Variants in TENT5D observed in about 807,000 individuals in gnomAD.
TENT5D encodes terminal nucleotidyltransferase 5D, also known as cancer/testis antigen 112.
For synonymous variants in TENT5D, 103 were observed against 100.6 expected (o/e 1.02, Z -0.15); for missense variants, 191 against 287.0 (o/e 0.67, Z 2.42).
chrX:80,400,053 G>A (rs145589056), intron 3 of TENT5D, among the ~76,000 whole-genome samples: 287 of 111,244 alleles, frequency 2.6e-3, no homozygotes, highest in African/African-American at 8.2e-3. Context: ...GGAGATCCTG[G>A]GATGCAAGTA....
intron 3 of TENT5D, among the ~76,000 whole-genome samples, chrX:80,361,464 C>T (rs1930403733): frequency 1.8e-5 from 2 of 112,176 alleles, no homozygotes; most frequent in African/African-American, 6.5e-5. Flanking sequence ...TGTATTCTTA[C>T]TGTGTTTTTA....
intron 2 of TENT5D, among the ~76,000 whole-genome samples, chrX:80,336,567 G>A (rs1025677449): frequency 1.7e-4 from 18 of 106,019 alleles, no homozygotes; most frequent in Admixed American, 3.2e-4. Context: ...GTTGTATTTC[G>A]CTGTTGGAGA....
chrX:80,343,750 G>T (rs1013291527), intron 3 of TENT5D, among the ~76,000 whole-genome samples: 21 of 111,370 alleles, frequency 1.9e-4, no homozygotes, highest in Non-Finnish European at 3.2e-4. Context: ...AGAACTCCTT[G>T]CAAATAGTTT....
chrX:80,437,875 A>G (rs943384971), intron 1 of TENT5D, among the ~76,000 whole-genome samples: 2 of 111,247 alleles, frequency 1.8e-5, no homozygotes, highest in African/African-American at 6.5e-5. Context: ...GAAAGTTTCT[A>G]AAGTACAGGA....
At chrX:80,422,966 G>A (rs144314660) in intron 1 of TENT5D, among the ~76,000 whole-genome samples, 17 of 111,966 alleles carry the variant, frequency 1.5e-4, no homozygotes, top group Non-Finnish European at 2.8e-4. Flanking sequence ...CAGAGAGAAT[G>A]GCATTTTGGT....
intron 3 of TENT5D, among the ~76,000 whole-genome samples, chrX:80,404,296 G>A (rs1205576275): frequency 8.9e-6 from 1 of 111,745 alleles, no homozygotes; most frequent in Non-Finnish European, 1.9e-5. Flanking sequence ...CTGAAACAAT[G>A]TGATGTAATA....
chrX:80,347,263 A>G (rs979875913), intron 3 of TENT5D, among the ~76,000 whole-genome samples: 2 of 111,638 alleles, frequency 1.8e-5, no homozygotes, highest in African/African-American at 6.5e-5. Context: ...ACTTTCTTCC[A>G]CAATGGTTGA....
chrX:80,360,155 A>G (rs1040052433), intron 3 of TENT5D, among the ~76,000 whole-genome samples: 2 of 112,132 alleles, frequency 1.8e-5, no homozygotes, highest in Non-Finnish European at 3.8e-5. Context: ...ATTGCACTTA[A>G]TATAATACAA....
chrX:80,414,625 T>C (rs911297117), intron 3 of TENT5D, among the ~76,000 whole-genome samples: 1 of 112,103 alleles, frequency 8.9e-6, no homozygotes, highest in Non-Finnish European at 1.9e-5. Context: ...AGTAGGTGTT[T>C]CCAGGTTAGA....
At chrX:80,363,088 G>A (rs1425182068) in intron 3 of TENT5D, among the ~76,000 whole-genome samples, 1 of 111,202 alleles carries the variant, frequency 9.0e-6, no homozygotes, top group Non-Finnish European at 1.9e-5. Flanking sequence ...GAGGAATTTG[G>A]GGAGTGTTAA....
intron 1 of TENT5D, among the ~76,000 whole-genome samples, chrX:80,421,187 G>A (rs1931876694): frequency 9.1e-6 from 1 of 110,050 alleles, no homozygotes; most frequent in Non-Finnish European, 1.9e-5. Context: ...TATAGTTTTT[G>A]TTTGTTTGTT....
intron 3 of TENT5D, among the ~76,000 whole-genome samples, chrX:80,388,199 CAA>C (rs1247917310): frequency 9.0e-6 from 1 of 110,988 alleles, no homozygotes; most frequent in African/African-American, 3.3e-5. Context: ...ATCAGGGACC[CAA>C]AGAGCCTGCT....
chrX:80,344,370 C>G (rs988701036), intron 3 of TENT5D, among the ~76,000 whole-genome samples: 1 of 110,936 alleles, frequency 9.0e-6, no homozygotes, highest in Non-Finnish European at 1.9e-5. Context: ...TTTGAGAAAT[C>G]TCTAAACTGC....
intron 3 of TENT5D, among the ~76,000 whole-genome samples, chrX:80,395,993 C>T (rs1931233039): frequency 9.2e-6 from 1 of 108,847 alleles, no homozygotes; most frequent in African/African-American, 3.4e-5. Flanking sequence ...ACATAACCTC[C>T]TCCAGTCCTT....
At chrX:80,383,781 G>A (rs750908173) in intron 3 of TENT5D, among the ~76,000 whole-genome samples, 36 of 111,456 alleles carry the variant, frequency 3.2e-4, no homozygotes, top group African/African-American at 4.6e-4. Context: ...GCGTGAACCC[G>A]GGAGGTGGAG....
At chrX:80,345,982 A>C (rs1400286882) in intron 3 of TENT5D, among the ~76,000 whole-genome samples, 1 of 111,846 alleles carries the variant, frequency 8.9e-6, no homozygotes, top group Non-Finnish European at 1.9e-5. Context: ...AGTAACTCCT[A>C]CATTTTTCAT....
At chrX:80,438,261 G>A (rs1011894145) in intron 1 of TENT5D, among the ~76,000 whole-genome samples, 8 of 109,700 alleles carry the variant, frequency 7.3e-5, no homozygotes, top group Non-Finnish European at 1.5e-4. Flanking sequence ...AGATATTCTG[G>A]CCCCACATCT....
At chrX:80,423,302 G>A (rs1931923967) in intron 1 of TENT5D, among the ~76,000 whole-genome samples, 1 of 111,887 alleles carries the variant, frequency 8.9e-6, no homozygotes, top group Non-Finnish European at 1.9e-5. Flanking sequence ...TGTTGTTTGA[G>A]ATAGTATCCA....
chrX:80,394,144 A>G (rs1190929851), intron 3 of TENT5D, among the ~76,000 whole-genome samples: 6 of 111,257 alleles, frequency 5.4e-5, no homozygotes, highest in Non-Finnish European at 1.1e-4. Context: ...TGTTTTCCAT[A>G]ATGGCTATAC....
Sources: allele counts gnomAD v4.1 joint callset (sites outside exome capture counted in the v4.1 genomes callset), GRCh38; gene constraint gnomAD v4.1.1; transcripts MANE v1.5; gene names NCBI Gene and HGNC (gene_info 2026-07-23, HGNC 2026-07-21).